Variants in SAMD12 observed in about 807,000 individuals in gnomAD.
SAMD12 encodes sterile alpha motif domain containing 12.
SAMD12 carries 9 observed loss-of-function variants against 15.0 expected under a neutral mutation model. The ratio of observed to expected loss-of-function variants is 0.60; its 90% CI spans 0.36 to 1.05. The LOEUF is 1.05. Among genes scored for constraint, SAMD12 ranks in the 50% least tolerant of loss-of-function variants. The pLI is 0.01. For synonymous variants in SAMD12, 86 were observed against 90.1 expected (o/e 0.96, Z 0.25); for missense variants, 230 against 234.2 (o/e 0.98, Z 0.12).
intron 3 of SAMD12, among the ~76,000 whole-genome samples, chr8:118,405,650 CTATTTA>C (rs1821092758): frequency 6.6e-6 from 1 of 151,278 alleles, no homozygotes; most frequent in Non-Finnish European, 1.5e-5. Context: ...GTATACTTTA[CTATTTA>C]TAAGTTATAC....
chr8:118,198,465 T>C (rs1819626805), intron 4 of SAMD12, among the ~76,000 whole-genome samples: 1 of 152,170 alleles, frequency 6.6e-6, no homozygotes. Flanking sequence ...ATTATATGAG[T>C]ACAATGGAAT....
chr8:118,595,091 T>A (rs1827691449), intron 1 of SAMD12, among the ~76,000 whole-genome samples: 1 of 152,164 alleles, frequency 6.6e-6, no homozygotes, highest in South Asian at 2.1e-4. Flanking sequence ...AATCAACACA[T>A]ATCCCATATC....
chr8:118,417,349 G>A (rs1288948513), intron 3 of SAMD12, among the ~76,000 whole-genome samples: 4 of 152,308 alleles, frequency 2.6e-5, no homozygotes, highest in East Asian at 1.9e-4. Flanking sequence ...CTCCCAAAGT[G>A]CTAGGATTAC....
intron 4 of SAMD12, among the ~76,000 whole-genome samples, chr8:118,203,139 G>T (rs1375703591): frequency 6.6e-6 from 1 of 152,198 alleles, no homozygotes; most frequent in Non-Finnish European, 1.5e-5. Flanking sequence ...GTTGGGAAAA[G>T]AAATTCTCCA....
At chr8:118,201,015 T>C (rs951164476) in intron 4 of SAMD12, among the ~76,000 whole-genome samples, 1 of 152,176 alleles carries the variant, frequency 6.6e-6, no homozygotes, top group Admixed American at 6.5e-5. Context: ...ACCTTAATCT[T>C]TCTATCAATC....
intron 4 of SAMD12, among the ~76,000 whole-genome samples, chr8:118,212,150 G>A (rs1027372753): frequency 2.0e-5 from 3 of 151,892 alleles, no homozygotes; most frequent in African/African-American, 4.8e-5. Context: ...AGAGATGGGG[G>A]TCTCACTATG....
intron 3 of SAMD12, among the ~76,000 whole-genome samples, chr8:118,380,862 A>G (rs1040964532): frequency 3.9e-5 from 6 of 152,194 alleles, no homozygotes; most frequent in African/African-American, 1.4e-4. Context: ...GTTAGTTTAT[A>G]TGCTGTTGTA....
chr8:118,391,189 G>C (rs1328745455), intron 3 of SAMD12, among the ~76,000 whole-genome samples: 3 of 152,016 alleles, frequency 2.0e-5, no homozygotes, highest in African/African-American at 7.2e-5. Flanking sequence ...TTAGTCCCTG[G>C]GAAGACTCAG....
At chr8:118,516,981 G>A (rs1323114424) in intron 2 of SAMD12, among the ~76,000 whole-genome samples, 2 of 152,122 alleles carry the variant, frequency 1.3e-5, no homozygotes, top group Non-Finnish European at 2.9e-5. Flanking sequence ...TTTCTAACAG[G>A]ATTTGTGCAG....
chr8:118,459,052 A>G (rs374164029), intron 2 of SAMD12, among the ~76,000 whole-genome samples: 1 of 132,378 alleles, frequency 7.6e-6, no homozygotes, highest in Admixed American at 8.1e-5. Flanking sequence ...TCTGCTACCC[A>G]GGAAAGGTAT....
chr8:118,432,862 C>T (rs9643128), intron 3 of SAMD12, among the ~76,000 whole-genome samples: 81,615 of 152,006 alleles, frequency 0.54, 24,317 homozygotes, highest in Non-Finnish European at 0.65. Context: ...CTAGCACCAC[C>T]ACCACTGACA....
At chr8:118,538,649 A>T (rs913858816) in intron 2 of SAMD12, among the ~76,000 whole-genome samples, 1 of 152,188 alleles carries the variant, frequency 6.6e-6, no homozygotes, top group Non-Finnish European at 1.5e-5. Context: ...GAAGTGGTGT[A>T]GGCAATTCAA....
chr8:118,132,845 T>C, the SAMD12 span, among the ~76,000 whole-genome samples: 2 of 151,328 alleles, frequency 1.3e-5, no homozygotes, highest in African/African-American at 4.9e-5. Flanking sequence ...ACCCAAACTA[T>C]AGTATATGCT....
chr8:118,236,795 C>T (rs1214002492), intron 4 of SAMD12, among the ~76,000 whole-genome samples: 1 of 152,160 alleles, frequency 6.6e-6, no homozygotes, highest in African/African-American at 2.4e-5. Context: ...TTCTCTTATG[C>T]TTTATTTGGA....
chr8:118,489,980 A>T (rs948018093), intron 2 of SAMD12, among the ~76,000 whole-genome samples: 6 of 152,188 alleles, frequency 3.9e-5, no homozygotes, highest in Non-Finnish European at 5.9e-5. Flanking sequence ...TCAGATTAAT[A>T]TGAGGGAGGA....
intron 3 of SAMD12, among the ~76,000 whole-genome samples, chr8:118,387,947 T>C (rs1213608944): frequency 1.3e-5 from 2 of 152,158 alleles, no homozygotes; most frequent in Non-Finnish European, 2.9e-5. Context: ...ATAGACTGTA[T>C]GTGTACCATG....
intron 4 of SAMD12, among the ~76,000 whole-genome samples, chr8:118,357,524 C>T (rs1473225426): frequency 2.6e-5 from 4 of 151,996 alleles, no homozygotes; most frequent in African/African-American, 4.8e-5. Flanking sequence ...AGCCACTGTG[C>T]CTGGCCTAAA....
the SAMD12 span, among the ~76,000 whole-genome samples, chr8:118,162,667 A>G: frequency 2.6e-5 from 4 of 152,322 alleles, no homozygotes; most frequent in South Asian, 8.3e-4. Context: ...AAAAGTGATT[A>G]CTGAATTGCT....
chr8:118,478,265 CAG>C (rs1389274885), intron 2 of SAMD12, among the ~76,000 whole-genome samples: 2 of 152,234 alleles, frequency 1.3e-5, no homozygotes, highest in Admixed American at 6.5e-5. Flanking sequence ...TTTCTTCCAT[CAG>C]AGTGTTCCCA....
Sources: allele counts gnomAD v4.1 joint callset (sites outside exome capture counted in the v4.1 genomes callset), GRCh38; gene constraint gnomAD v4.1.1; transcripts MANE v1.5; gene names NCBI Gene and HGNC (gene_info 2026-07-23, HGNC 2026-07-21).